Variants in GRM8 observed in about 807,000 individuals in gnomAD.
GRM8 encodes metabotropic glutamate receptor 8.
GRM8 carries 47 observed loss-of-function variants against 87.2 expected under a neutral mutation model. The ratio of observed to expected loss-of-function variants is 0.54; its 90% CI spans 0.43 to 0.69. The LOEUF is 0.69. GRM8 is among the 30% of genes least tolerant of loss of function. The pLI is 0.00. For missense variants in GRM8, 1,019 were observed against 1,139.2 expected (o/e 0.89, Z 1.52); for synonymous variants, 396 against 404.5 (o/e 0.98, Z 0.25).
intron 6 of GRM8, among the ~76,000 whole-genome samples, chr7:126,819,483 C>T (rs937036698): frequency 1.3e-5 from 2 of 152,040 alleles, no homozygotes; most frequent in African/African-American, 2.4e-5. Context: ...GGGAAGTAAT[C>T]GTGTCTTAGT....
At chr7:126,919,960 T>C (rs1211416152) in intron 3 of GRM8, among the ~76,000 whole-genome samples, 2 of 152,182 alleles carry the variant, frequency 1.3e-5, no homozygotes, top group Non-Finnish European at 2.9e-5. Flanking sequence ...TACCTCCATG[T>C]TATAAACTGA....
intron 3 of GRM8, among the ~76,000 whole-genome samples, chr7:126,925,893 T>C (rs1309009983): frequency 6.6e-6 from 1 of 152,208 alleles, no homozygotes; most frequent in East Asian, 1.9e-4. Flanking sequence ...TAAATATCAC[T>C]GCAATACATA....
At chr7:126,599,422 C>T (rs1797521771) in intron 8 of GRM8, among the ~76,000 whole-genome samples, 1 of 152,044 alleles carries the variant, frequency 6.6e-6, no homozygotes, top group African/African-American at 2.4e-5. Flanking sequence ...CCTTTTTGGC[C>T]TTGTAAAGAT....
At chr7:127,217,091 G>C (rs897440353) in intron 2 of GRM8, among the ~76,000 whole-genome samples, 1 of 152,112 alleles carries the variant, frequency 6.6e-6, no homozygotes, top group East Asian at 1.9e-4. Flanking sequence ...TGTAATGGGT[G>C]CTCTGTGGTA....
chr7:127,101,622 C>G (rs1825267248), intron 3 of GRM8, among the ~76,000 whole-genome samples: 1 of 152,150 alleles, frequency 6.6e-6, no homozygotes, highest in African/African-American at 2.4e-5. Context: ...CTCAAAAGGC[C>G]TCCCCAGGAG....
At chr7:127,209,055 G>C (rs28952004) in intron 2 of GRM8, among the ~76,000 whole-genome samples, 2 of 152,152 alleles carry the variant, frequency 1.3e-5, no homozygotes, top group Non-Finnish European at 2.9e-5. Context: ...GCTGCTGCAC[G>C]GCTGCAAGAA....
chr7:126,587,784 T>C (rs1284223975), intron 8 of GRM8, among the ~76,000 whole-genome samples: 2 of 151,020 alleles, frequency 1.3e-5, no homozygotes, highest in African/African-American at 4.9e-5. Context: ...ATAACAAACC[T>C]GCATGTTGTG....
intron 6 of GRM8, among the ~76,000 whole-genome samples, chr7:126,823,901 T>C (rs1188270359): frequency 1.3e-5 from 2 of 152,140 alleles, no homozygotes; most frequent in East Asian, 3.9e-4. Context: ...CCTTCTCTCC[T>C]AGCTGCAAAT....
chr7:126,629,174 G>T (rs1248111038), intron 7 of GRM8, among the ~76,000 whole-genome samples: 1 of 152,106 alleles, frequency 6.6e-6, no homozygotes, highest in East Asian at 1.9e-4. Context: ...AGACAAAATA[G>T]GTCACATACA....
At chr7:126,808,963 T>C (rs1018449823) in intron 6 of GRM8, among the ~76,000 whole-genome samples, 1 of 152,214 alleles carries the variant, frequency 6.6e-6, no homozygotes, top group African/African-American at 2.4e-5. Flanking sequence ...TTTATTATTT[T>C]ACAGTTCTGT....
intron 3 of GRM8, among the ~76,000 whole-genome samples, chr7:127,048,012 A>C (rs17866100): frequency 6.6e-6 from 1 of 152,244 alleles, no homozygotes. Context: ...TTTGCAAGGC[A>C]CTGTTCTAGG....
intron 2 of GRM8, among the ~76,000 whole-genome samples, chr7:127,119,307 G>GCTCTACT (rs1826888814): frequency 6.6e-6 from 1 of 152,122 alleles, no homozygotes; most frequent in Non-Finnish European, 1.5e-5. Context: ...CCAACATGGT[G>GCTCTACT]AAACCCCATC....
chr7:126,827,627 G>T lies in GRM8; in HGVS notation c.1157-57562C>A, dbSNP rs539371848. ...AGGAGATTTTGGGCTGAGACAATGG[G>T]GTTTTCTAGATATATAATCATGTCA... On this transcript the variant is annotated intron_variant, in intron 6 of 10. Coordinates refer to ENST00000339582, the MANE Select transcript of GRM8 (RefSeq NM_000845.3). Among the ~76,000 whole-genome samples the T allele has an allele frequency of 2.8e-3, 426 of 152,186 alleles. 5 individuals are homozygous for T. The highest frequency in any genetic ancestry group is 9.8e-3 in the African/African-American group (405 of 41,516).
At chr7:126,969,199 T>C (rs1032757786) in intron 3 of GRM8, among the ~76,000 whole-genome samples, 1 of 152,128 alleles carries the variant, frequency 6.6e-6, no homozygotes, top group Non-Finnish European at 1.5e-5. Flanking sequence ...AGGGTGGTGG[T>C]TGCTGATAAA....
chr7:126,517,958 A>T (rs766034420), intron 9 of GRM8, among the ~76,000 whole-genome samples: 1 of 152,100 alleles, frequency 6.6e-6, no homozygotes, highest in Non-Finnish European at 1.5e-5. Context: ...CAATTACAAA[A>T]GTACTTTAAA....
chr7:126,824,912 G>A (rs2283075), intron 6 of GRM8, among the ~76,000 whole-genome samples: 90,783 of 152,002 alleles, frequency 0.6, 27,709 homozygotes, highest in Non-Finnish European at 0.65. Flanking sequence ...AATGACCATT[G>A]GTCATGAAAA....
At chr7:126,936,209 G>A (rs988539325) in intron 3 of GRM8, among the ~76,000 whole-genome samples, 18 of 152,110 alleles carry the variant, frequency 1.2e-4, no homozygotes, top group African/African-American at 3.9e-4. Context: ...AACTTAAAAC[G>A]TTTGATCACT....
chr7:127,059,190 G>A (rs1234818669), intron 3 of GRM8, among the ~76,000 whole-genome samples: 2 of 151,972 alleles, frequency 1.3e-5, no homozygotes, highest in Non-Finnish European at 2.9e-5. Flanking sequence ...AAATGAATAG[G>A]CAGAGAAGAA....
chr7:126,672,359 A>C (rs1256628740), intron 7 of GRM8, among the ~76,000 whole-genome samples: 1 of 152,152 alleles, frequency 6.6e-6, no homozygotes, highest in Non-Finnish European at 1.5e-5. Flanking sequence ...CTGCTAGGAA[A>C]AGAAAGGAAC....
Sources: gnomAD v4.1 joint callset for allele counts (sites outside exome capture counted in the v4.1 genomes callset) on GRCh38, gnomAD v4.1.1 for gene constraint, MANE v1.5 for transcripts, NCBI Gene and HGNC (gene_info 2026-07-23, HGNC 2026-07-21) for gene names.